The following GALE variants were observed in gnomAD, a reference collection of about 807,000 sequenced individuals.
The protein encoded by GALE is UDP-galactose-4-epimerase, also known as UDP-glucose 4-epimerase.
In GALE, 32 loss-of-function variants were observed where a neutral mutation model predicts 44.1. The ratio of observed to expected loss-of-function variants is 0.73; its 90% confidence interval spans 0.55 to 0.97. The LOEUF (loss-of-function observed/expected upper bound fraction) is 0.97. GALE is among the 50% of genes least tolerant of loss of function. GALE has a pLI of 0.00. For missense variants in GALE, 423 were observed against 455.6 expected (o/e 0.93, Z 0.65); for synonymous variants, 182 against 183.5 (o/e 0.99, Z 0.06).
In GALE at chr1:23,797,886, A is replaced by ATGGCATCAG; in HGVS notation, c.352-24_352-16dup. 6.2e-7 allele frequency: 1 copy of ATGGCATCAG among 1,613,988 alleles called. No homozygotes were observed. The highest frequency in any genetic ancestry group is 8.5e-7 in the Non-Finnish European group (1 of 1,179,866). Reference sequence around the variant, plus strand: ...GCCTTCATGATCTGGCCGTGGAGAGATGGCATCAGTGACCTCTGCCTCACA... The same window carrying ATGGCATCAG: ...GCCTTCATGATCTGGCCGTGGAGAGATGGCATCAGTGGCATCAGTGACCTCTGCCTCACA... On this transcript the variant is annotated splice_polypyrimidine_tract_variant and intron_variant, in intron 5 of 11. Transcript: ENST00000617979.
At chr1:23,800,273 G>GCCGCCC (rs1245050271) in intron 1 of GALE, 7 of 152,888 alleles carry the variant, frequency 4.6e-5, no homozygotes, top group African/African-American at 7.2e-5. Context: ...CCGCGCCGAA[G>GCCGCCC]CCGCCCCCGC....
Position 23,798,526 on chromosome 1 carries a change from G to T in GALE, c.237+89C>A. On this transcript the variant is annotated intron_variant, in intron 4 of 11. Transcript: ENST00000617979. The surrounding 1 kb of genome is among the most constrained non-coding windows in gnomAD (Gnocchi z 4.5). ...TCACTGTGTTGAGCAGGCTGGTCTTGAACACCTGGGCTCAAGTGATCTCCT... is the reference window on the plus strand; with the variant it reads ...TCACTGTGTTGAGCAGGCTGGTCTTTAACACCTGGGCTCAAGTGATCTCCT... The T allele has an allele frequency of 1.0e-6, 1 of 963,708 alleles. No individual in the cohort carries two copies. Among genetic ancestry groups the T allele is most frequent in the Non-Finnish European group, 1.7e-6 (1 of 600,158 alleles). The allele number at this position is 963,708 out of a possible 1,614,324, so 59.7% of individuals were successfully genotyped here.
rs532482786 is a variant in GALE, at chr1:23,798,447, G to A, written c.237+168C>T. 1.2e-4 allele frequency: 81 copies of A among 694,984 alleles called. 1 individual carries two copies. In the South Asian group the frequency reaches 1.2e-3, roughly 10 times the overall value. 43.1% of individuals were successfully genotyped at this position (694,984 alleles called of 1,614,324 possible). A position where few individuals can be genotyped will look rare whatever the true frequency, so the allele number is the denominator to read the frequency against. Reference sequence around the variant, plus strand: ...AGCCTCCCGAGTAGCTGGGACCACAGGTATGGGCTACCATGCCCAGCTAAT... The same window carrying A: ...AGCCTCCCGAGTAGCTGGGACCACAAGTATGGGCTACCATGCCCAGCTAAT... On this transcript the variant is annotated intron_variant, in intron 4 of 11. Coordinates refer to ENST00000617979, the MANE Select transcript of GALE (RefSeq NM_001008216.2). The surrounding 1 kb of genome is among the most constrained non-coding windows in gnomAD (Gnocchi z 4.5).
In GALE at chr1:23,796,452, G is replaced by C. The variant is rs971808773; in HGVS notation, c.873+57C>G. 5 of 1,463,998 alleles carry C rather than the reference G, an allele frequency of 3.4e-6. No homozygotes were observed. The African/African-American group carries it at 4.5e-5, about 13-fold the overall frequency. The allele number at this position is 1,463,998 out of a possible 1,614,324, so 90.7% of individuals were successfully genotyped here. Reference sequence around the variant, plus strand: ...GAGTGGGAAGGGCCAAAGCTGCTCTGTTGCTGAGAGCTGGGTGGGGTGAGG... The same window carrying C: ...GAGTGGGAAGGGCCAAAGCTGCTCTCTTGCTGAGAGCTGGGTGGGGTGAGG... On this transcript the variant is annotated intron_variant, in intron 10 of 11. Transcript: ENST00000617979. This position sits in a 1 kb window ranked among gnomAD's most constrained non-coding sequence, Gnocchi z 5.2.
chr1:23,796,687 C>T lies in GALE; in HGVS notation c.795+10G>A. ...CCCTCCCCTCCCTCACTTCTCCCTT[C>T]TCTTCCTACCCGGCAGCCACACTGT... On this transcript the variant is annotated intron_variant, in intron 9 of 11. Transcript: ENST00000617979. This position sits in a 1 kb window ranked among gnomAD's most constrained non-coding sequence, Gnocchi z 5.2. 1 of 1,613,638 alleles carries T rather than the reference C, an allele frequency of 6.2e-7. No individual in the cohort carries two copies. The highest frequency in any genetic ancestry group is 8.5e-7 in the Non-Finnish European group (1 of 1,179,814).
rs1638972420 is a variant in GALE, at chr1:23,796,845, C to T, written c.709+31G>A. On this transcript the variant is annotated intron_variant, in intron 8 of 11. Transcript: ENST00000617979. The surrounding 1 kb of genome is among the most constrained non-coding windows in gnomAD (Gnocchi z 5.2). ...CCCCCTGACTCTCCTTCCTGGCTCC[C>T]ACTCCTAGGTCCCCCTGGTCCTAGG... 4 of 1,610,872 alleles carry T rather than the reference C, an allele frequency of 2.5e-6. No homozygotes were observed. Among genetic ancestry groups the T allele is most frequent in the Non-Finnish European group, 3.4e-6 (4 of 1,178,500 alleles).
chr1:23,796,760 G>C lies in GALE; in HGVS notation c.732C>G (p.Val244=). The C allele has an allele frequency of 6.2e-7, 1 of 1,611,798 alleles. No individual in the cohort carries two copies. Among genetic ancestry groups the C allele is most frequent in the Non-Finnish European group, 8.5e-7 (1 of 1,178,900 alleles). Residue 244 remains valine, a synonymous_variant, in exon 9 of 12, where the codon GTC becomes GTG. Transcript: ENST00000617979. This position sits in a 1 kb window ranked among gnomAD's most constrained non-coding sequence, Gnocchi z 5.2. ...DGTGVRDYIH[V]VDLAKGHIAA... is the part of the protein sequence containing the mutation. ...CAATGTGGCCCTTGGCCAGATCCAC[G>C]ACATGGATGTAATCCCGGACACCTG... is the stretch of plus-strand genomic sequence containing the variant.
intron 6 of GALE, 34 bp downstream of exon 6, chr1:23,797,661 A>G (rs368296988): frequency 1.2e-6 from 2 of 1,605,286 alleles, no homozygotes; most frequent in South Asian, 2.2e-5. Flanking sequence ...TCCATCGATC[A>G]GTGGAGCCAG....
intron 7 of GALE, 24 bp downstream of exon 7, chr1:23,797,008 CCT>C (rs752852327): frequency 6.2e-7 from 1 of 1,607,912 alleles, no homozygotes; most frequent in East Asian, 2.2e-5. Context: ...CAGGGCCACT[CCT>C]CTGTCCCTTC....
At position 23,796,720 on chromosome 1, in the gene GALE, G is replaced by C; in HGVS notation, c.772C>G (p.Leu258Val). The C allele has an allele frequency of 1.3e-5, 21 of 1,613,030 alleles. No individual in the cohort carries two copies. The highest frequency in any genetic ancestry group is 1.8e-5 in the Non-Finnish European group (21 of 1,179,532). The change falls in exon 9 of 12, where the codon CTG becomes GTG. Residue 258 changes from leucine to valine, a missense_variant. Coordinates refer to ENST00000617979, the MANE Select transcript of GALE (RefSeq NM_001008216.2). The surrounding 1 kb of genome is among the most constrained non-coding windows in gnomAD (Gnocchi z 5.2). ...ACCCGGCAGCCACACTGTTCTTTCA[G>C]CTTCCTTAAGGCTGCAATGTGGCCC... Reference protein sequence around the residue: ...AKGHIAALRKLKEQCGCRIYN... With the variant: ...AKGHIAALRKVKEQCGCRIYN...
At chr1:23,799,123 C>T (rs946057578) in intron 2 of GALE, 111 bp from the exon 3 acceptor site, 40 of 1,439,138 alleles carry the variant, frequency 2.8e-5, no homozygotes, top group Non-Finnish European at 3.8e-5. Context: ...GCAGTGTGCC[C>T]TAGGTACCAG....
rs780305533 is a variant in GALE, at chr1:23,796,293, A to G, written c.874-28T>C. On this transcript the variant is annotated intron_variant, in intron 10 of 11. Coordinates refer to ENST00000617979, the MANE Select transcript of GALE (RefSeq NM_001008216.2). This position sits in a 1 kb window ranked among gnomAD's most constrained non-coding sequence, Gnocchi z 5.2. The stretch of plus-strand genomic sequence containing the variant: ...GCAAGACAGGAGGTAGTTGGAGCTT[A>G]GCTGAGCCGGCCCTGGCCCAGCTGC... The G allele has an allele frequency of 3.1e-5, 49 of 1,602,142 alleles. No homozygotes were observed. Among genetic ancestry groups the G allele is most frequent in the Non-Finnish European group, 3.8e-5 (44 of 1,169,160 alleles).
At position 23,795,870 on chromosome 1, in the gene GALE, C is replaced by T; in HGVS notation, c.*79G>A. The T allele has an allele frequency of 2.1e-6, 3 of 1,435,160 alleles. No individual in the cohort carries two copies. The highest frequency in any genetic ancestry group is 2.9e-6 in the Non-Finnish European group (3 of 1,025,690). 88.9% of individuals were successfully genotyped at this position (1,435,160 alleles called of 1,614,324 possible). A position where few individuals can be genotyped will look rare whatever the true frequency, so the allele number is the denominator to read the frequency against. On this transcript the variant is annotated 3_prime_UTR_variant, in exon 12 of 12. Coordinates refer to ENST00000617979, the MANE Select transcript of GALE (RefSeq NM_001008216.2). ...GGAGGCCTTGGCTTGGCCCCAGCAG[C>T]TCCAGGGCCCTGAGTTCCTGCCAGA...
In GALE at chr1:23,798,819, G is replaced by A; in HGVS notation, c.121+68C>T. The A allele has an allele frequency of 6.2e-7, 1 of 1,612,528 alleles. No individual in the cohort carries two copies. The highest frequency in any genetic ancestry group is 1.6e-4 in the Middle Eastern group (1 of 6,062). On this transcript the variant is annotated intron_variant, in intron 3 of 11. Transcript: ENST00000617979. The surrounding 1 kb of genome is among the most constrained non-coding windows in gnomAD (Gnocchi z 4.5). ...AGACACACATTCCCCGCCCGGTGGT[G>A]GAGGTGGAACCCAGGGTTTTGCTTC... is the stretch of plus-strand genomic sequence containing the variant.
At chr1:23,799,241 A>G (rs951107386) in intron 2 of GALE, 125 bp downstream of exon 2, 6 of 587,274 alleles carry the variant, frequency 1.0e-5, no homozygotes, top group African/African-American at 9.3e-5. Flanking sequence ...TCTGTAAAAC[A>G]GAGCTAATAA....
chr1:23,798,997 T>A lies in GALE; in HGVS notation c.11A>T (p.Lys4Met). 1 of 1,614,188 alleles carries A rather than the reference T, an allele frequency of 6.2e-7. No individual in the cohort carries two copies. Among genetic ancestry groups the A allele is most frequent in the Non-Finnish European group, 8.5e-7 (1 of 1,180,030 alleles). MAEKVLVTGGAGYI... is the reference protein window; with the variant it reads MAEMVLVTGGAGYI... ...GCCAGCCCCACCTGTTACCAGCACC[T>A]TCTCTGCCATGGCACCTGGCCCAGG... Residue 4 changes from lysine to methionine, a missense_variant, in exon 3 of 12, where the codon AAG (lysine) becomes ATG (methionine). By Grantham distance (95) the Lys-to-Met change is moderately conservative. Coordinates refer to ENST00000617979, the MANE Select transcript of GALE (RefSeq NM_001008216.2). This position sits in a 1 kb window ranked among gnomAD's most constrained non-coding sequence, Gnocchi z 4.5.
chr1:23,796,659 G>C lies in GALE; in HGVS notation c.795+38C>G. 6.2e-7 allele frequency: 1 copy of C among 1,613,946 alleles called. No individual in the cohort carries two copies. The highest frequency in any genetic ancestry group is 8.5e-7 in the Non-Finnish European group (1 of 1,179,946). On this transcript the variant is annotated intron_variant, in intron 9 of 11. Transcript: ENST00000617979. The surrounding 1 kb of genome is among the most constrained non-coding windows in gnomAD (Gnocchi z 5.2). ...CCTCTGGGCCGCTCTGCCTGGATCT[G>C]GTCCCTCCCCTCCCTCACTTCTCCC...
In GALE at chr1:23,799,148, C is replaced by A; in HGVS notation, c.-5-136G>T. Reference sequence around the variant, plus strand: ...CTAGGTACCAGACTGGCTCAGAAGTCAGCCCTGGGGCAAGTCTGGGTACCA... The same window carrying A: ...CTAGGTACCAGACTGGCTCAGAAGTAAGCCCTGGGGCAAGTCTGGGTACCA... On this transcript the variant is annotated intron_variant, in intron 2 of 11. Coordinates refer to ENST00000617979, the MANE Select transcript of GALE (RefSeq NM_001008216.2). 4 of 1,183,954 alleles carry A rather than the reference C, an allele frequency of 3.4e-6. No individual in the cohort carries two copies. In the Admixed American group the frequency reaches 5.9e-5, roughly 18 times the overall value. The allele number at this position is 1,183,954 out of a possible 1,614,324, so 73.3% of individuals were successfully genotyped here.
rs1638949663 is a variant in GALE at position 23,796,371 on chromosome 1, C to G, written c.874-106G>C. Reference sequence around the variant, plus strand: ...CAGAGCAGCGGCTGGCCCGCAGGCACCGGGTGCTAGGCAGGCTGAGGAGAC... The same window carrying G: ...CAGAGCAGCGGCTGGCCCGCAGGCAGCGGGTGCTAGGCAGGCTGAGGAGAC... On this transcript the variant is annotated intron_variant, in intron 10 of 11. Transcript: ENST00000617979. This position sits in a 1 kb window ranked among gnomAD's most constrained non-coding sequence, Gnocchi z 5.2. 17 of 1,436,932 alleles carry G rather than the reference C, an allele frequency of 1.2e-5. No homozygotes were observed. Among genetic ancestry groups the G allele is most frequent in the Middle Eastern group, 3.6e-4 (2 of 5,630 alleles). The allele number at this position is 1,436,932 out of a possible 1,614,324, so 89.0% of individuals were successfully genotyped here.
Sources: gnomAD v4.1 joint callset for allele counts on GRCh38, gnomAD v4.1.1 for gene constraint, Gnocchi (gnomAD v3.1) non-coding constraint, MANE v1.5 for transcripts, NCBI Gene and HGNC (gene_info 2026-07-23, HGNC 2026-07-21) for gene names.